ELP1: variants seen among roughly 807,000 people sequenced by gnomAD.
ELP1 encodes the protein elongator complex protein 1.
ELP1 carries 131 observed loss-of-function variants against 183.2 expected under a neutral mutation model. The observed-to-expected ratio is 0.72, with a 90% CI of 0.62 to 0.83. ELP1 has a LOEUF of 0.83. Among genes scored for constraint, ELP1 ranks in the 40% least tolerant of loss-of-function variants. The probability of loss-of-function intolerance (pLI) is 0.00; values close to 1 mark genes in which losing one functional copy is unlikely to be tolerated. For synonymous variants in ELP1, 555 were observed against 569.0 expected, an observed-to-expected ratio of 0.98 and a Z score of 0.35; for missense variants, 1,550 against 1,594.9, an observed-to-expected ratio of 0.97 and a Z score of 0.48.
chr9:108,894,390 C>A lies in ELP1; in HGVS notation c.2737-324G>T, dbSNP rs547414591. On this transcript the variant is annotated intron_variant, in intron 25 of 36. Transcript: ENST00000374647. ...CTGCAAATATTGTACTTTTGATCCA[C>A]ACTGATTGTGGATGCAGAAGCCGTG... 1.2e-4 allele frequency among the ~76,000 whole-genome samples: 18 copies of A among 152,230 alleles called. No individual in the cohort carries two copies. In the South Asian group the frequency reaches 3.7e-3, roughly 32 times the overall value.
Position 108,922,870 on chromosome 9 carries a change from C to A in ELP1, c.524G>T (p.Gly175Val). Residue 175 changes from glycine (G) to valine (V), a missense_variant, in exon 6 of 37, where the codon GGC becomes GTC. Physicochemically the swap from Gly to Val is moderately radical, Grantham distance 109 (BLOSUM62 -3). Transcript: ENST00000374647. ...TTGCATCTGAAAAGCTGCTTGTCTG[C>A]CTTCTGATCCATGGAACTGTGTCTC... The part of the protein sequence containing the change: ...RKETQFHGSE[G>V]RQAAFQMQMH... The A allele has an allele frequency of 6.2e-7, 1 of 1,613,992 alleles. No homozygotes were observed. The highest frequency in any genetic ancestry group is 1.1e-5 in the South Asian group (1 of 91,080).
intron 16 of ELP1, among the ~76,000 whole-genome samples, chr9:108,901,944 G>A (rs745780847): frequency 2.0e-5 from 3 of 152,028 alleles, no homozygotes; most frequent in Admixed American, 6.6e-5. Context: ...CCACTCAACC[G>A]GTGTTGATCC....
chr9:108,869,102 T>C lies in ELP1; in HGVS notation c.*13A>G, dbSNP rs1827341036. On this transcript the variant is annotated 3_prime_UTR_variant, in exon 37 of 37. Coordinates refer to ENST00000374647, the MANE Select transcript of ELP1 (RefSeq NM_003640.5). ...ATGGTCTTCTCTGTCGGATCCCTCC[T>C]AACTGCAGTCACTCAGTCTAGCAGG... 1.2e-6 allele frequency: 2 copies of C among 1,611,878 alleles called. No individual in the cohort carries two copies. Among genetic ancestry groups the C allele is most frequent in the Non-Finnish European group, 1.7e-6 (2 of 1,177,930 alleles).
intron 31 of ELP1, among the ~76,000 whole-genome samples, chr9:108,880,386 G>A (rs1827880666): frequency 6.6e-6 from 1 of 151,392 alleles, no homozygotes; most frequent in African/African-American, 2.4e-5. Context: ...CGCTACCACT[G>A]AACTTGTAAA....
chr9:108,924,324 C>T (rs1332689719), intron 5 of ELP1, among the ~76,000 whole-genome samples: 4 of 152,134 alleles, frequency 2.6e-5, no homozygotes, highest in Non-Finnish European at 5.9e-5. Context: ...CATGACCTAG[C>T]CCTTTTCAGA....
chr9:108,895,689 G>A (rs756918307), intron 25 of ELP1, among the ~76,000 whole-genome samples: 1 of 152,096 alleles, frequency 6.6e-6, no homozygotes, highest in Non-Finnish European at 1.5e-5. Flanking sequence ...TGAAGGATCC[G>A]ATTTTCATTT....
chr9:108,915,216 T>G (rs571633591), intron 10 of ELP1, among the ~76,000 whole-genome samples: 9 of 152,378 alleles, frequency 5.9e-5, no homozygotes, highest in African/African-American at 2.2e-4. Flanking sequence ...GGTAATACCA[T>G]GCACTAGGGA....
intron 29 of ELP1, among the ~76,000 whole-genome samples, chr9:108,885,164 CAAATA>C (rs1487979600): frequency 1.3e-5 from 2 of 150,622 alleles, no homozygotes; most frequent in Non-Finnish European, 3.0e-5. Flanking sequence ...AAATAAAGAG[CAAATA>C]AAATAATAAA....
chr9:108,884,088 T>A (rs187519450), intron 29 of ELP1, among the ~76,000 whole-genome samples: 6 of 150,342 alleles, frequency 4.0e-5, no homozygotes, highest in African/African-American at 1.5e-4. Flanking sequence ...AGTAAAAGGA[T>A]AGAAAAAGAT....
chr9:108,916,283 G>C lies in ELP1; in HGVS notation c.879C>G (p.Leu293=). 1.2e-6 allele frequency: 2 copies of C among 1,613,852 alleles called. No homozygotes were observed. The highest frequency in any genetic ancestry group is 2.2e-5 in the East Asian group (1 of 44,872). The change falls in exon 10 of 37, where the codon CTC becomes CTG. Residue 293 remains leucine (L), a synonymous_variant. Coordinates refer to ENST00000374647, the MANE Select transcript of ELP1 (RefSeq NM_003640.5). ...LKDEVKVNDL[L]WNADSSVLAV... is the part of the protein sequence containing the mutation. The stretch of plus-strand genomic sequence containing the variant: ...CAAGCACAGAGGAATCTGCATTCCA[G>C]AGCAAGTCATTTACCTAGAAGGGAA...
At chr9:108,900,101 A>G (rs1296283954) in intron 19 of ELP1, among the ~76,000 whole-genome samples, 159 bp downstream of exon 19, 1 of 152,248 alleles carries the variant, frequency 6.6e-6, no homozygotes, top group Non-Finnish European at 1.5e-5. Context: ...GCCTGTATCA[A>G]CACTCCTTTG....
chr9:108,876,005 G>A (rs917333003), intron 35 of ELP1, among the ~76,000 whole-genome samples: 2 of 152,340 alleles, frequency 1.3e-5, no homozygotes, highest in East Asian at 1.9e-4. Flanking sequence ...GGGCATGGTG[G>A]CTGATGCCTA....
intron 8 of ELP1, among the ~76,000 whole-genome samples, chr9:108,918,568 A>T (rs112777178): frequency 6.6e-6 from 1 of 152,104 alleles, no homozygotes; most frequent in Admixed American, 6.6e-5. Flanking sequence ...TGCAAAATAT[A>T]TGCGGCCTTG....
At chr9:108,875,109 C>T (rs1827656810) in intron 35 of ELP1, 139 bp from the exon 36 acceptor site, 3 of 679,658 alleles carry the variant, frequency 4.4e-6, no homozygotes, top group Admixed American at 4.3e-5. Flanking sequence ...ATTCTCTTTC[C>T]CAATGTGATT....
chr9:108,906,017 G>A (rs527787305), intron 14 of ELP1, among the ~76,000 whole-genome samples: 36 of 152,078 alleles, frequency 2.4e-4, no homozygotes, highest in Admixed American at 7.9e-4. Flanking sequence ...TAACAATCAC[G>A]CTGGAAAAAT....
chr9:108,926,664 T>C, intron 4 of ELP1, 61 bp from the exon 5 acceptor site: 2 of 1,218,784 alleles, frequency 1.6e-6, no homozygotes, highest in Non-Finnish European at 2.4e-6. Flanking sequence ...CATTCCTAAG[T>C]ACCTATGGCA....
Position 108,903,643 on chromosome 9 carries a change from A to G in ELP1, c.1670T>C (p.Ile557Thr), listed in dbSNP as rs762639892. ...VSSSAAVDGV[I>T]ISLCCNSKTK... ...CTTGGAATTGCAACATAGACTGATTATGACCCCATCCACCGCTGCAGATGA... is the reference window on the plus strand; with the variant it reads ...CTTGGAATTGCAACATAGACTGATTGTGACCCCATCCACCGCTGCAGATGA... Residue 557 changes from isoleucine to threonine, a missense_variant, in exon 15 of 37, where the codon ATA (isoleucine) becomes ACA (threonine). Ile to Thr is a moderately conservative substitution (Grantham distance 89). Transcript: ENST00000374647. 21 of 1,613,870 alleles carry G rather than the reference A, an allele frequency of 1.3e-5. No homozygotes were observed. Among genetic ancestry groups the G allele is most frequent in the Admixed American group, 5.0e-5 (3 of 59,982 alleles).
rs776765104 is a variant in ELP1, at chr9:108,897,968, T to C, written c.2363+534A>G. On this transcript the variant is annotated intron_variant, in intron 22 of 36. Transcript: ENST00000374647. ...ACAAAGAATGCCCTCTAGTTAATGATATACAAGGAGAAGTACAGGTGGTAG... is the reference window on the plus strand; with the variant it reads ...ACAAAGAATGCCCTCTAGTTAATGACATACAAGGAGAAGTACAGGTGGTAG... 2.0e-5 allele frequency among the ~76,000 whole-genome samples: 3 copies of C among 152,304 alleles called. No homozygotes were observed. The South Asian group carries it at 6.2e-4, about 32-fold the overall frequency.
intron 26 of ELP1, among the ~76,000 whole-genome samples, chr9:108,893,567 G>A (rs10979594): frequency 0.079 from 11,979 of 152,168 alleles, 544 homozygotes; most frequent in East Asian, 0.16. Context: ...CGTCTTGCAG[G>A]GCACGGGGAG....
Sources: gnomAD v4.1 joint callset for allele counts (sites outside exome capture counted in the v4.1 genomes callset) on GRCh38, gnomAD v4.1.1 for gene constraint, MANE v1.5 for transcripts, NCBI Gene and HGNC (gene_info 2026-07-23, HGNC 2026-07-21) for gene names.